Variants in GRIA3 observed in about 807,000 individuals in gnomAD.
GRIA3 encodes the protein glutamate ionotropic receptor AMPA type subunit 3.
GRIA3 carries 3 observed loss-of-function variants against 63.0 expected under a neutral mutation model. The ratio of observed to expected loss-of-function variants is 0.05; its 90% CI spans 0.02 to 0.12. The LOEUF (loss-of-function observed/expected upper bound fraction) is 0.12, where lower values mean the gene tolerates loss of function less well. Among genes scored for constraint, GRIA3 ranks in the 10% least tolerant of loss-of-function variants. GRIA3 has a pLI of 1.00. For synonymous variants in GRIA3, 274 were observed against 257.9 expected (o/e 1.06, Z -0.60); for missense variants, 347 against 700.9 (o/e 0.50, Z 5.70).
At chrX:123,200,183 T>C (rs1049608732) in intron 2 of GRIA3, among the ~76,000 whole-genome samples, 4 of 111,218 alleles carry the variant, frequency 3.6e-5, no homozygotes, top group African/African-American at 9.8e-5. Flanking sequence ...AATTCTCTTA[T>C]TCTCTAGTAA....
chrX:123,389,595 T>G (rs1446658576), intron 5 of GRIA3, among the ~76,000 whole-genome samples: 1 of 111,734 alleles, frequency 8.9e-6, no homozygotes, highest in African/African-American at 3.3e-5. Flanking sequence ...TGACCCTATA[T>G]GTACATTTAC....
At chrX:123,309,524 T>C (rs2044776887) in intron 3 of GRIA3, among the ~76,000 whole-genome samples, 1 of 112,258 alleles carries the variant, frequency 8.9e-6, no homozygotes, top group Non-Finnish European at 1.9e-5. Context: ...TTTGTATTTG[T>C]TTTGAGGGAT....
chrX:123,424,451 A>G lies in GRIA3; in HGVS notation c.1878-3490A>G, dbSNP rs114909891. On this transcript the variant is annotated intron_variant, in intron 11 of 15. Transcript: ENST00000620443. The stretch of plus-strand genomic sequence containing the variant: ...AAGGGAATAAAGTGGTGGAAATTCC[A>G]TCAAATCTTTTGTCTAAGCTACTAC... 7.8e-3 allele frequency among the ~76,000 whole-genome samples: 870 copies of G among 111,958 alleles called. 14 individuals are homozygous for G. The highest frequency in any genetic ancestry group is 0.027 in the African/African-American group (824 of 30,865).
chrX:123,306,947 C>A (rs1052189267), intron 3 of GRIA3, among the ~76,000 whole-genome samples: 1 of 111,959 alleles, frequency 8.9e-6, no homozygotes, highest in African/African-American at 3.2e-5. Context: ...TGGCACTCAA[C>A]TATCTAATGC....
intron 3 of GRIA3, among the ~76,000 whole-genome samples, chrX:123,298,615 T>C (rs1281688354): frequency 8.9e-6 from 1 of 111,910 alleles, no homozygotes; most frequent in Non-Finnish European, 1.9e-5. Flanking sequence ...AAGTTCCTTA[T>C]AGATGCTATA....
chrX:123,245,725 C>T (rs997750641), intron 2 of GRIA3, among the ~76,000 whole-genome samples: 1 of 111,781 alleles, frequency 8.9e-6, no homozygotes, highest in African/African-American at 3.3e-5. Flanking sequence ...AAGTCATCAT[C>T]GAACTTGAGA....
chrX:123,197,602 C>T (rs1325057534), intron 2 of GRIA3, among the ~76,000 whole-genome samples: 1 of 112,546 alleles, frequency 8.9e-6, no homozygotes, highest in Non-Finnish European at 1.9e-5. Context: ...CATCTCATTT[C>T]ATTTCTTACT....
At chrX:123,253,573 A>G in intron 3 of GRIA3, 31 bp downstream of exon 3, 2 of 1,170,563 alleles carry the variant, frequency 1.7e-6, no homozygotes, top group Non-Finnish European at 2.3e-6. Context: ...TGCTCTTTAG[A>G]TATTCATGTA....
intron 3 of GRIA3, among the ~76,000 whole-genome samples, chrX:123,275,452 C>T (rs761569014): frequency 8.9e-6 from 1 of 112,282 alleles, no homozygotes; most frequent in South Asian, 3.7e-4. Flanking sequence ...AGACATTTTC[C>T]CAGAAGTGGG....
chrX:123,455,259 T>C (rs1165851796), intron 12 of GRIA3, among the ~76,000 whole-genome samples: 1 of 111,826 alleles, frequency 8.9e-6, no homozygotes, highest in East Asian at 2.8e-4. Context: ...AGCTGCTGAT[T>C]GTCTGAAGCA....
intron 13 of GRIA3, among the ~76,000 whole-genome samples, chrX:123,477,938 G>A (rs142750951): frequency 9.0e-6 from 1 of 111,598 alleles, no homozygotes; most frequent in East Asian, 2.8e-4. Flanking sequence ...AGGACACTGG[G>A]CCCTTTGCAA....
intron 2 of GRIA3, among the ~76,000 whole-genome samples, chrX:123,225,325 G>C (rs981887407): frequency 1.8e-5 from 2 of 112,169 alleles, no homozygotes; most frequent in East Asian, 5.6e-4. Context: ...CTGGCATATG[G>C]TCTTGCACGG....
intron 3 of GRIA3, among the ~76,000 whole-genome samples, chrX:123,318,665 A>T (rs1211769690): frequency 8.9e-6 from 1 of 111,899 alleles, no homozygotes; most frequent in Non-Finnish European, 1.9e-5. Context: ...TATCACTATC[A>T]GCATTTTTGT....
intron 5 of GRIA3, among the ~76,000 whole-genome samples, chrX:123,359,583 T>C (rs753680541): frequency 8.9e-6 from 1 of 111,757 alleles, no homozygotes; most frequent in African/African-American, 3.3e-5. Flanking sequence ...CCAAGATAGA[T>C]ATGAGTATTC....
Position 123,233,851 on chromosome X carries a change from G to A in GRIA3, c.269-19452G>A, listed in dbSNP as rs745562870. Among the ~76,000 whole-genome samples the A allele has an allele frequency of 1.3e-3, 150 of 111,538 alleles. 2 individuals are homozygous for A. The highest frequency in any genetic ancestry group is 4.4e-3 in the African/African-American group (134 of 30,735). ...ATGAATAGTAAGTATTTGAGGAGAA[G>A]TATTAGCTATATAAAGCTGTTAGCT... is the stretch of plus-strand genomic sequence containing the variant. On this transcript the variant is annotated intron_variant, in intron 2 of 15. Coordinates refer to ENST00000620443, the MANE Select transcript of GRIA3 (RefSeq NM_007325.5).
At chrX:123,428,558 C>G (rs753410062) in intron 12 of GRIA3, among the ~76,000 whole-genome samples, 1 of 112,036 alleles carries the variant, frequency 8.9e-6, no homozygotes, top group Non-Finnish European at 1.9e-5. Context: ...AGGCAATTGA[C>G]TCTAAGACTG....
rs145544383 is a variant in GRIA3 at position 123,208,799 on chromosome X, T to C, written c.268+22809T>C. Among the ~76,000 whole-genome samples, 290 of 112,354 alleles carry C rather than the reference T, an allele frequency of 2.6e-3. 2 individuals are homozygous for C. Among genetic ancestry groups the C allele is most frequent in the African/African-American group, 8.6e-3 (265 of 30,956 alleles). On this transcript the variant is annotated intron_variant, in intron 2 of 15. Coordinates refer to ENST00000620443, the MANE Select transcript of GRIA3 (RefSeq NM_007325.5). ...TGTGTATATACAGGTGCTGCTTACC[T>C]GGATGGATGTCACAGGTCATTGGAC...
intron 12 of GRIA3, among the ~76,000 whole-genome samples, chrX:123,442,895 G>A (rs953160522): frequency 9.2e-6 from 1 of 108,905 alleles, no homozygotes; most frequent in African/African-American, 3.4e-5. Context: ...GGCCTGTGGT[G>A]TAGAGAGAAG....
intron 2 of GRIA3, among the ~76,000 whole-genome samples, chrX:123,215,934 CTGCTTTG>C (rs1244626554): frequency 8.9e-6 from 1 of 111,945 alleles, no homozygotes; most frequent in African/African-American, 3.3e-5. Flanking sequence ...CAGTCACAGG[CTGCTTTG>C]TGCTTTGTGC....
Sources: allele counts gnomAD v4.1 joint callset (sites outside exome capture counted in the v4.1 genomes callset), GRCh38; gene constraint gnomAD v4.1.1; transcripts MANE v1.5; gene names NCBI Gene and HGNC (gene_info 2026-07-23, HGNC 2026-07-21).